Variants in NRG3 observed in about 807,000 individuals in gnomAD.
NRG3 encodes neuregulin 3, also known as pro-neuregulin-3, membrane-bound isoform.
In NRG3, 31 loss-of-function variants were observed where a neutral mutation model predicts 66.9. The ratio of observed to expected loss-of-function variants is 0.46; its 90% confidence interval spans 0.35 to 0.63. The LOEUF is 0.63. Among genes scored for constraint, NRG3 ranks in the 20% least tolerant of loss-of-function variants. The pLI is 0.00. For missense variants in NRG3, 910 were observed against 878.9 expected (o/e 1.04, Z -0.45); for synonymous variants, 393 against 359.4 (o/e 1.09, Z -1.06).
chr10:82,136,818 T>C (rs1052526130), intron 1 of NRG3, among the ~76,000 whole-genome samples: 3 of 152,174 alleles, frequency 2.0e-5, no homozygotes, highest in Non-Finnish European at 2.9e-5. Flanking sequence ...GGCTGAATTC[T>C]GCCATGTTGC....
chr10:82,571,144 T>C (rs1224163947), intron 2 of NRG3, among the ~76,000 whole-genome samples: 1 of 151,590 alleles, frequency 6.6e-6, no homozygotes, highest in Non-Finnish European at 1.5e-5. Flanking sequence ...ATCCTGTTAA[T>C]GAAAGCCTGC....
intron 1 of NRG3, among the ~76,000 whole-genome samples, chr10:82,022,893 T>C (rs1328804919): frequency 6.6e-6 from 1 of 151,182 alleles, no homozygotes; most frequent in African/African-American, 2.4e-5. Flanking sequence ...ACTATACATA[T>C]ATTTAACTAA....
At chr10:81,903,764 GA>G (rs1235197500) in intron 1 of NRG3, among the ~76,000 whole-genome samples, 1 of 152,030 alleles carries the variant, frequency 6.6e-6, no homozygotes, top group African/African-American at 2.4e-5. Context: ...CAGAGTTAAA[GA>G]AAACAAACAT....
intron 6 of NRG3, among the ~76,000 whole-genome samples, chr10:82,972,884 T>C (rs1851900058): frequency 6.6e-6 from 1 of 152,178 alleles, no homozygotes; most frequent in African/African-American, 2.4e-5. Flanking sequence ...AAAAAAGGTA[T>C]ACTGAGTTTT....
chr10:82,282,973 T>C (rs539629066), intron 1 of NRG3, among the ~76,000 whole-genome samples: 16 of 152,206 alleles, frequency 1.1e-4, no homozygotes, highest in African/African-American at 3.6e-4. Flanking sequence ...GGCTGATGAC[T>C]CATCCCAATC....
intron 2 of NRG3, among the ~76,000 whole-genome samples, chr10:82,660,572 A>T (rs959618382): frequency 1.4e-4 from 21 of 152,214 alleles, no homozygotes; most frequent in African/African-American, 5.1e-4. Flanking sequence ...GCAGTGTTAG[A>T]ATAAATTTCA....
chr10:82,134,656 T>C lies in NRG3; in HGVS notation c.824-224083T>C, dbSNP rs2069189001. On this transcript the variant is annotated intron_variant, in intron 1 of 8. Coordinates refer to ENST00000372141, the MANE Select transcript of NRG3 (RefSeq NM_001010848.4). ...CATCAGTATTATGCTATTTTGGTTA[T>C]TGTAGCCCTGTAGTATAGTTTGAAG... is the stretch of plus-strand genomic sequence containing the variant. Among the ~76,000 whole-genome samples the C allele has an allele frequency of 2.0e-5, 3 of 152,238 alleles. No homozygotes were observed. The East Asian group carries it at 5.8e-4, about 29-fold the overall frequency.
chr10:82,241,844 A>G (rs770423655), intron 1 of NRG3, among the ~76,000 whole-genome samples: 4 of 152,280 alleles, frequency 2.6e-5, no homozygotes, highest in Middle Eastern at 3.4e-3. Flanking sequence ...GTCAATTACC[A>G]TCTGTGTAAA....
At chr10:82,041,073 A>G (rs187563120) in intron 1 of NRG3, among the ~76,000 whole-genome samples, 2 of 152,240 alleles carry the variant, frequency 1.3e-5, no homozygotes, top group Admixed American at 6.6e-5. Context: ...TTTACTTGCC[A>G]TAGTGGGCCA....
At chr10:82,709,438 G>T (rs1025627726) in intron 2 of NRG3, among the ~76,000 whole-genome samples, 1 of 151,890 alleles carries the variant, frequency 6.6e-6, no homozygotes, top group Non-Finnish European at 1.5e-5. Context: ...CTGGAGTGCT[G>T]TGGCGCGATC....
chr10:82,764,488 G>A (rs970790772), intron 3 of NRG3, among the ~76,000 whole-genome samples: 2 of 150,260 alleles, frequency 1.3e-5, no homozygotes, highest in African/African-American at 4.9e-5. Context: ...TCAGCCTCCC[G>A]AGTAGCTGAG....
rs115945590 is a variant in NRG3 at position 81,948,673 on chromosome 10, G to A, written c.823+72510G>A. 4.8e-3 allele frequency among the ~76,000 whole-genome samples: 724 copies of A among 152,320 alleles called. 8 individuals are homozygous for A. The highest frequency in any genetic ancestry group is 0.017 in the African/African-American group (702 of 41,576). On this transcript the variant is annotated intron_variant, in intron 1 of 8. Coordinates refer to ENST00000372141, the MANE Select transcript of NRG3 (RefSeq NM_001010848.4). ...GCTGTGAATCCTAACACTAGCACTCGTTAGGCAAGCAATTTCACTTTTACC... is the reference window on the plus strand; with the variant it reads ...GCTGTGAATCCTAACACTAGCACTCATTAGGCAAGCAATTTCACTTTTACC...
intron 2 of NRG3, among the ~76,000 whole-genome samples, chr10:82,378,935 G>T (rs1042116351): frequency 3.9e-5 from 6 of 152,060 alleles, no homozygotes; most frequent in African/African-American, 1.4e-4. Context: ...CTCACACTAG[G>T]GAGGCTCAGA....
rs889847352 is a variant in NRG3, at chr10:82,559,478, T to A, written c.954-179099T>A. Among the ~76,000 whole-genome samples, 18 of 152,280 alleles carry A rather than the reference T, an allele frequency of 1.2e-4. No individual in the cohort carries two copies. The South Asian group carries it at 2.7e-3, about 23-fold the overall frequency. ...ACAACTTGAAGGAATGGGCCTCTAT[T>A]ATGAGCCATGCTGTGTCCAGTCATC... On this transcript the variant is annotated intron_variant, in intron 2 of 8. Coordinates refer to ENST00000372141, the MANE Select transcript of NRG3 (RefSeq NM_001010848.4).
chr10:82,209,677 G>T (rs1163104328), intron 1 of NRG3, among the ~76,000 whole-genome samples: 1 of 152,144 alleles, frequency 6.6e-6, no homozygotes, highest in Non-Finnish European at 1.5e-5. Flanking sequence ...TATCTCAGAA[G>T]TGGGTTTTTA....
At chr10:82,682,565 C>T (rs1305740509) in intron 2 of NRG3, among the ~76,000 whole-genome samples, 1 of 152,158 alleles carries the variant, frequency 6.6e-6, no homozygotes, top group Non-Finnish European at 1.5e-5. Flanking sequence ...TGACCTTGTA[C>T]AGTTTAGTGG....
At chr10:82,847,961 C>A (rs141138513) in intron 3 of NRG3, among the ~76,000 whole-genome samples, 4 of 151,980 alleles carry the variant, frequency 2.6e-5, no homozygotes, top group African/African-American at 9.7e-5. Flanking sequence ...GATTTTATTG[C>A]GAGATATCAG....
At position 81,945,487 on chromosome 10, in the gene NRG3, C is replaced by T. The variant is rs768196621; in HGVS notation, c.823+69324C>T. On this transcript the variant is annotated intron_variant, in intron 1 of 8. Coordinates refer to ENST00000372141, the MANE Select transcript of NRG3 (RefSeq NM_001010848.4). Reference sequence around the variant, plus strand: ...TCCTTGTTTTAAATTGCGATTTTGCCCATAAATGCATTCTGGAAATTGAGT... The same window carrying T: ...TCCTTGTTTTAAATTGCGATTTTGCTCATAAATGCATTCTGGAAATTGAGT... 1.3e-4 allele frequency among the ~76,000 whole-genome samples: 20 copies of T among 152,190 alleles called. 1 individual carries two copies. The Middle Eastern group carries it at 0.01, about 78-fold the overall frequency.
At chr10:82,726,572 T>C (rs2057614004) in intron 2 of NRG3, among the ~76,000 whole-genome samples, 1 of 152,168 alleles carries the variant, frequency 6.6e-6, no homozygotes, top group Non-Finnish European at 1.5e-5. Context: ...TCTGCCATGA[T>C]TGGGAGCCTC....
Sources: gnomAD v4.1 joint callset for allele counts (sites outside exome capture counted in the v4.1 genomes callset) on GRCh38, gnomAD v4.1.1 for gene constraint, MANE v1.5 for transcripts, NCBI Gene and HGNC (gene_info 2026-07-23, HGNC 2026-07-21) for gene names.